HPSE2: variants seen among roughly 807,000 people sequenced by gnomAD.
HPSE2 encodes the protein heparanase 2 (inactive), also known as inactive heparanase-2.
Under a neutral mutation model 60.5 loss-of-function variants are expected in HPSE2, and 38 were observed. That is an observed-to-expected ratio of 0.63 (90% confidence interval 0.48 to 0.82). The LOEUF is 0.82. Among genes scored for constraint, HPSE2 ranks in the 40% least tolerant of loss-of-function variants. HPSE2 has a pLI of 0.00. For missense variants in HPSE2, 713 were observed against 740.4 expected, an observed-to-expected ratio of 0.96 and a Z score of 0.43; for synonymous variants, 295 against 293.2, an observed-to-expected ratio of 1.01 and a Z score of -0.06.
intron 11 of HPSE2, among the ~76,000 whole-genome samples, chr10:98,472,205 C>G (rs910540702): frequency 4.6e-5 from 7 of 151,466 alleles, no homozygotes; most frequent in Non-Finnish European, 7.4e-5. Context: ...TATATATATA[C>G]TCTTACATAT....
chr10:99,243,840 G>A, the HPSE2 span, among the ~76,000 whole-genome samples: 4 of 152,102 alleles, frequency 2.6e-5, no homozygotes, highest in Admixed American at 6.5e-5. Context: ...GGAGGCTGAC[G>A]CAGGAGAATT....
intron 3 of HPSE2, among the ~76,000 whole-genome samples, chr10:99,118,881 G>A (rs1201292873): frequency 6.6e-6 from 1 of 151,920 alleles, no homozygotes; most frequent in African/African-American, 2.4e-5. Context: ...GCTGGGCGTG[G>A]TGGTAGGCAC....
At chr10:98,813,448 T>C (rs900386327) in intron 3 of HPSE2, among the ~76,000 whole-genome samples, 22 of 152,148 alleles carry the variant, frequency 1.4e-4, no homozygotes, top group African/African-American at 5.3e-4. Context: ...CTCCAAAACA[T>C]TGTGAAGTTG....
chr10:98,898,705 C>T (rs112941496), intron 3 of HPSE2, among the ~76,000 whole-genome samples: 6 of 152,072 alleles, frequency 3.9e-5, no homozygotes, highest in African/African-American at 1.2e-4. Flanking sequence ...TGAACCTTAA[C>T]GTATGCAAAT....
the HPSE2 span, among the ~76,000 whole-genome samples, chr10:99,278,974 G>A: frequency 3.9e-5 from 6 of 152,106 alleles, no homozygotes; most frequent in Non-Finnish European, 8.8e-5. Flanking sequence ...TTCAAAAAAT[G>A]CCTGTTTAGA....
At chr10:98,879,591 A>G (rs1043768419) in intron 3 of HPSE2, among the ~76,000 whole-genome samples, 3 of 151,888 alleles carry the variant, frequency 2.0e-5, no homozygotes, top group Non-Finnish European at 4.4e-5. Flanking sequence ...CATGATGTGT[A>G]TCCTGGCAAA....
intron 3 of HPSE2, among the ~76,000 whole-genome samples, chr10:99,033,379 G>T (rs1957540758): frequency 6.6e-6 from 1 of 151,998 alleles, no homozygotes; most frequent in Non-Finnish European, 1.5e-5. Context: ...TGCCAAAAAA[G>T]ATATACAGAT....
At chr10:99,305,967 G>GCACACACACA in the HPSE2 span, among the ~76,000 whole-genome samples, 9 of 54,548 alleles carry the variant, frequency 1.6e-4, no homozygotes, top group Non-Finnish European at 2.2e-4. Context: ...ACACACGCGC[G>GCACACACACA]CGCGCGCGCG....
At chr10:99,150,951 C>A (rs977661806) in intron 2 of HPSE2, among the ~76,000 whole-genome samples, 11 of 152,098 alleles carry the variant, frequency 7.2e-5, no homozygotes, top group African/African-American at 2.7e-4. Context: ...TCTGAACAGT[C>A]ATTGGCTGAT....
intron 3 of HPSE2, among the ~76,000 whole-genome samples, chr10:98,841,544 T>C (rs1273368069): frequency 6.6e-6 from 1 of 152,206 alleles, no homozygotes; most frequent in African/African-American, 2.4e-5. Context: ...TTTCACTCAA[T>C]AGTATTGCTA....
intron 3 of HPSE2, among the ~76,000 whole-genome samples, chr10:98,992,634 G>A (rs1312372972): frequency 6.6e-6 from 1 of 152,136 alleles, no homozygotes; most frequent in Non-Finnish European, 1.5e-5. Context: ...TTGCAGTCAA[G>A]GATCTTATTA....
At chr10:98,602,034 C>T (rs1945440998) in intron 9 of HPSE2, among the ~76,000 whole-genome samples, 3 of 152,112 alleles carry the variant, frequency 2.0e-5, no homozygotes, top group Non-Finnish European at 4.4e-5. Flanking sequence ...AGAGGCTTTG[C>T]AGGTCGGGTT....
Position 98,660,619 on chromosome 10 carries a change from C to T in HPSE2, c.1005-18679G>A, listed in dbSNP as rs1225796587. Among the ~76,000 whole-genome samples, 6 of 152,230 alleles carry T rather than the reference C, an allele frequency of 3.9e-5. No homozygotes were observed. The East Asian group carries it at 1.2e-3, about 29-fold the overall frequency. ...TGAACAGGGAGGCAATTCTTGGCAT[C>T]AGCTGTGTCTCTGCACTTTGGCTTT... On this transcript the variant is annotated intron_variant, in intron 6 of 11. Coordinates refer to ENST00000370552, the MANE Select transcript of HPSE2 (RefSeq NM_021828.5).
intron 11 of HPSE2, among the ~76,000 whole-genome samples, chr10:98,464,435 G>T (rs1940441473): frequency 1.3e-5 from 2 of 152,214 alleles, no homozygotes. Context: ...GCTCCCTCCA[G>T]CTGTCTTCCT....
chr10:98,831,203 G>A (rs1313961331), intron 3 of HPSE2, among the ~76,000 whole-genome samples: 1 of 152,160 alleles, frequency 6.6e-6, no homozygotes, highest in Non-Finnish European at 1.5e-5. Context: ...GCTAGAGTAA[G>A]CTGAGGGAAG....
chr10:99,176,955 G>A (rs1010455169), intron 2 of HPSE2, among the ~76,000 whole-genome samples: 2 of 151,980 alleles, frequency 1.3e-5, no homozygotes, highest in Non-Finnish European at 2.9e-5. Flanking sequence ...GAAGAAAGTG[G>A]GGACCAATAT....
chr10:99,115,326 TG>T (rs766785954), intron 3 of HPSE2, among the ~76,000 whole-genome samples: 5 of 152,076 alleles, frequency 3.3e-5, no homozygotes, highest in African/African-American at 7.2e-5. Context: ...GCTAATTTTT[TG>T]GTATTTTTAG....
intron 3 of HPSE2, among the ~76,000 whole-genome samples, chr10:98,825,067 G>A (rs927899399): frequency 3.9e-5 from 6 of 152,180 alleles, no homozygotes; most frequent in African/African-American, 1.4e-4. Context: ...CAGTAGAGTA[G>A]GAGCTGCACA....
chr10:99,274,979 T>G, the HPSE2 span, among the ~76,000 whole-genome samples: 2 of 152,230 alleles, frequency 1.3e-5, no homozygotes, highest in East Asian at 3.9e-4. Flanking sequence ...TCATGAAAAT[T>G]TTATTATTTA....
Sources: gnomAD v4.1 joint callset for allele counts (sites outside exome capture counted in the v4.1 genomes callset) on GRCh38, gnomAD v4.1.1 for gene constraint, MANE v1.5 for transcripts, NCBI Gene and HGNC (gene_info 2026-07-23, HGNC 2026-07-21) for gene names.